CAPN10: variants seen among roughly 807,000 people sequenced by gnomAD.
The protein encoded by CAPN10 is calpain 10, also known as calpain-10.
A neutral mutation model predicts 78.4 loss-of-function variants in CAPN10; 71 were observed. The observed-to-expected ratio is 0.91, with a 90% CI of 0.75 to 1.10. The LOEUF is 1.10. Among genes scored for constraint, CAPN10 ranks in the 50% least tolerant of loss-of-function variants. The probability of loss-of-function intolerance (pLI) is 0.00; values close to 1 mark genes in which losing one functional copy is unlikely to be tolerated. For missense variants in CAPN10, 849 were observed against 924.6 expected (o/e 0.92, Z 1.06); for synonymous variants, 437 against 407.2 (o/e 1.07, Z -0.88).
chr2:240,588,373 G>A (rs2093081402), intron 1 of CAPN10, among the ~76,000 whole-genome samples: 2 of 152,190 alleles, frequency 1.3e-5, no homozygotes, highest in African/African-American at 4.8e-5. Context: ...GGGGCCTTGG[G>A]GCTGAGCCTT....
chr2:240,591,014 G>A lies in CAPN10; in HGVS notation c.470+3G>A, dbSNP rs1217081427. Reference sequence around the variant, plus strand: ...TTACTGGAAAAGGTCTACGCCAAGTGCGTGTGCTGGGGGCTGAAGGGCCTG... The same window carrying A: ...TTACTGGAAAAGGTCTACGCCAAGTACGTGTGCTGGGGGCTGAAGGGCCTG... On this transcript the variant is annotated splice_donor_region_variant and intron_variant, in intron 3 of 11. Transcript: ENST00000391984. 1 of 1,613,090 alleles carries A rather than the reference G, an allele frequency of 6.2e-7. No homozygotes were observed. The highest frequency in any genetic ancestry group is 2.2e-5 in the East Asian group (1 of 44,868).
At chr2:240,593,147 G>A (rs544505583) in intron 4 of CAPN10, among the ~76,000 whole-genome samples, 27 of 152,224 alleles carry the variant, frequency 1.8e-4, no homozygotes, top group Non-Finnish European at 3.1e-4. Flanking sequence ...GGTCTGGTGG[G>A]CATTAGCTCG....
At chr2:240,596,268 C>T (rs775131440) in intron 7 of CAPN10, 51 bp from the exon 8 acceptor site, 6 of 1,546,502 alleles carry the variant, frequency 3.9e-6, no homozygotes, top group East Asian at 2.3e-5. Flanking sequence ...AAGGCCAGGG[C>T]GTCTGACCCC....
chr2:240,588,494 T>C (rs2093082182), intron 1 of CAPN10, among the ~76,000 whole-genome samples: 1 of 151,942 alleles, frequency 6.6e-6, no homozygotes, highest in Admixed American at 6.6e-5. Flanking sequence ...TCACAGAAGC[T>C]GAGTGGGGAC....
At chr2:240,594,966 G>A in intron 6 of CAPN10, 58 bp from the exon 7 acceptor site, 1 of 1,578,746 alleles carries the variant, frequency 6.3e-7, no homozygotes, top group Non-Finnish European at 8.6e-7. Flanking sequence ...AGGCCACCAT[G>A]GCGGGAGGCC....
chr2:240,594,948 GGTTC>G, intron 6 of CAPN10, 72 bp from the exon 7 acceptor site: 1 of 1,510,366 alleles, frequency 6.6e-7, no homozygotes, highest in East Asian at 2.3e-5. Context: ...ACCCTGCCAG[GGTTC>G]ATGAGGCCAC....
At position 240,589,411 on chromosome 2, in the gene CAPN10, G is replaced by A. The variant is rs1291686949; in HGVS notation, c.210G>A (p.Leu70=). ...AAGGGCAGGTGAAGCAGGGGCTGCTGGGGGATTGCTGGTTCCTGTGTGCCT... is the reference window on the plus strand; with the variant it reads ...AAGGGCAGGTGAAGCAGGGGCTGCTAGGGGATTGCTGGTTCCTGTGTGCCT... ...PREGQVKQGL[L]GDCWFLCACA... Residue 70 remains leucine, a synonymous_variant, in exon 2 of 12, where the codon CTG becomes CTA. Transcript: ENST00000391984. 5.3e-5 allele frequency: 85 copies of A among 1,614,064 alleles called. No individual in the cohort carries two copies. Among genetic ancestry groups the A allele is most frequent in the Non-Finnish European group, 7.0e-5 (83 of 1,180,018 alleles).
chr2:240,591,210 C>T, intron 3 of CAPN10, 199 bp downstream of exon 3: 1 of 571,832 alleles, frequency 1.7e-6, no homozygotes, highest in East Asian at 2.8e-5. Context: ...TTGCCCACTC[C>T]CTGCTTTCCC....
Position 240,596,908 on chromosome 2 carries a change from C to T in CAPN10, c.1709C>T (p.Thr570Ile). ...CATCAGCACTGCCGGCCCAGTGACA[C>T]CGAGTTCCACCCCATCGGCTTCCAT... ...TLHQHCRPSDTEFHPIGFHIF... is the reference protein window; with the variant it reads ...TLHQHCRPSDIEFHPIGFHIF... Residue 570 changes from threonine (T) to isoleucine (I), a missense_variant, in exon 9 of 12, where the codon ACC becomes ATC. Transcript: ENST00000391984. The T allele has an allele frequency of 6.2e-7, 1 of 1,613,618 alleles. No individual in the cohort carries two copies. The highest frequency in any genetic ancestry group is 8.5e-7 in the Non-Finnish European group (1 of 1,180,044).
At chr2:240,597,839 T>C (rs2093146832) in intron 9 of CAPN10, 49 bp from the exon 10 acceptor site, 1 of 1,512,576 alleles carries the variant, frequency 6.6e-7, no homozygotes, top group Non-Finnish European at 8.9e-7. Context: ...TGGGCTGGGC[T>C]CCCTACCCCA....
intron 4 of CAPN10, chr2:240,592,496 T>TA (rs1340337102): frequency 1.9e-6 from 1 of 520,868 alleles, no homozygotes; most frequent in Non-Finnish European, 3.8e-6. Flanking sequence ...TAACATTCGT[T>TA]AAAAACAGTT....
intron 1 of CAPN10, among the ~76,000 whole-genome samples, chr2:240,588,344 A>T (rs1162588099): frequency 4.6e-5 from 7 of 151,224 alleles, no homozygotes; most frequent in Non-Finnish European, 1.0e-4. Context: ...GTCTCGGGGG[A>T]GTATCAGTAA....
rs772247755 is a variant in CAPN10, at chr2:240,598,689, C to T, written c.*9C>T. The T allele has an allele frequency of 1.1e-4, 179 of 1,569,922 alleles. No homozygotes were observed. The highest frequency in any genetic ancestry group is 1.5e-4 in the Non-Finnish European group (168 of 1,157,276). On this transcript the variant is annotated 3_prime_UTR_variant, in exon 12 of 12. Transcript: ENST00000391984. ...CAGTGATGAAAACCTAACAGGGTGGCCCCCTGTGCCAGCTCAGGTGACTGG... is the reference window on the plus strand; with the variant it reads ...CAGTGATGAAAACCTAACAGGGTGGTCCCCTGTGCCAGCTCAGGTGACTGG...
intron 3 of CAPN10, 24 bp downstream of exon 3, chr2:240,591,035 G>C: frequency 1.9e-6 from 3 of 1,606,506 alleles, no homozygotes; most frequent in Non-Finnish European, 2.6e-6. Flanking sequence ...GGGCTGAAGG[G>C]CCTGGCCTGG....
Position 240,598,750 on chromosome 2 carries a change from C to T in CAPN10, c.*70C>T, listed in dbSNP as rs980496896. The T allele has an allele frequency of 1.8e-5, 26 of 1,434,384 alleles. No individual in the cohort carries two copies. In the East Asian group the frequency reaches 2.4e-4, roughly 14 times the overall value. 88.9% of individuals were successfully genotyped at this position (1,434,384 alleles called of 1,614,324 possible). A position where few individuals can be genotyped will look rare whatever the true frequency, so the allele number is the denominator to read the frequency against. ...CCTGACAGGTTCCCAGCAGCTGGGC[C>T]GGCCAGCCTTGCACTGTGGGGGCTG... On this transcript the variant is annotated 3_prime_UTR_variant, in exon 12 of 12. Coordinates refer to ENST00000391984, the MANE Select transcript of CAPN10 (RefSeq NM_023083.4).
In CAPN10 at chr2:240,586,967, TC is replaced by T; in HGVS notation, c.60del (p.Ala21ProfsTer45). On this transcript the variant is annotated frameshift_variant, in exon 1 of 12. Transcript: ENST00000391984. LOFTEE classifies it high-confidence loss of function. ...AGGGAGCTGTTCCGGGACGCCGCCTTCCCCGCCGCGGACTCCTCGCTCTTCT... is the reference window on the plus strand; with the variant it reads ...AGGGAGCTGTTCCGGGACGCCGCCTTCCCGCCGCGGACTCCTCGCTCTTCT... ...PARELFRDAAFPAADSSLFCD... is the reference protein window; with the variant it reads ...PARELFRDAAXPAADSSLFCD... The T allele has an allele frequency of 6.8e-7, 1 of 1,481,386 alleles. No homozygotes were observed. The allele number at this position is 1,481,386 out of a possible 1,614,324, so 91.8% of individuals were successfully genotyped here.
chr2:240,596,939 C>G lies in CAPN10; in HGVS notation c.1740C>G (p.Phe580Leu). 1.2e-6 allele frequency: 2 copies of G among 1,613,474 alleles called. No homozygotes were observed. Among genetic ancestry groups the G allele is most frequent in the Non-Finnish European group, 1.7e-6 (2 of 1,180,036 alleles). ...TEFHPIGFHI[F>L]QVPEGGRSQD... ...TCCACCCCATCGGCTTCCATATCTTCCAGGCAAGCTCCTTGCCCCAGGGAG... is the reference window on the plus strand; with the variant it reads ...TCCACCCCATCGGCTTCCATATCTTGCAGGCAAGCTCCTTGCCCCAGGGAG... The change falls in exon 9 of 12, where the codon TTC becomes TTG. Residue 580 changes from phenylalanine (F) to leucine (L), a missense_variant. Transcript: ENST00000391984.
At position 240,594,717 on chromosome 2, in the gene CAPN10, C is replaced by T. The variant is rs374992580; in HGVS notation, c.997+8C>T. 190 of 1,609,844 alleles carry T rather than the reference C, an allele frequency of 1.2e-4. No homozygotes were observed. Among genetic ancestry groups the T allele is most frequent in the Non-Finnish European group, 1.6e-4 (185 of 1,177,610 alleles). On this transcript the variant is annotated splice_region_variant and intron_variant, in intron 6 of 11. Coordinates refer to ENST00000391984, the MANE Select transcript of CAPN10 (RefSeq NM_023083.4). The stretch of plus-strand genomic sequence containing the variant: ...TGCAGAGCCTCTACACAGGTAGTGC[C>T]CCGAGGGGCTGTGCTGGGCACGTGC...
chr2:240,595,072 G>A lies in CAPN10; in HGVS notation c.1046G>A (p.Gly349Asp). Residue 349 changes from glycine (G) to aspartate (D), a missense_variant, in exon 7 of 12, where the codon GGC (glycine) becomes GAC (aspartate). Coordinates refer to ENST00000391984, the MANE Select transcript of CAPN10 (RefSeq NM_023083.4). The stretch of plus-strand genomic sequence containing the variant: ...GCGCTGCCTGGGGCCTGGGTCAAGG[G>A]CCAGTCAGCAGGAGGCTGCCGGAAC... ...TRALPGAWVK[G>D]QSAGGCRNNS... is the part of the protein sequence containing the mutation. 1 of 1,613,612 alleles carries A rather than the reference G, an allele frequency of 6.2e-7. No individual in the cohort carries two copies. Among genetic ancestry groups the A allele is most frequent in the Non-Finnish European group, 8.5e-7 (1 of 1,180,026 alleles).
Sources: allele counts gnomAD v4.1 joint callset (sites outside exome capture counted in the v4.1 genomes callset), GRCh38; gene constraint gnomAD v4.1.1; transcripts MANE v1.5; gene names NCBI Gene and HGNC (gene_info 2026-07-23, HGNC 2026-07-21).